Variants in FTO observed in about 807,000 individuals in gnomAD.
FTO encodes the protein alpha-ketoglutarate-dependent dioxygenase FTO.
In FTO, 47 loss-of-function variants were observed where a neutral mutation model predicts 63.9. That is an observed-to-expected ratio of 0.74 (90% CI 0.58 to 0.94). The LOEUF is 0.94. FTO is among the 40% of genes least tolerant of loss of function. The pLI is 0.00. For synonymous variants in FTO, 207 were observed against 224.4 expected, an observed-to-expected ratio of 0.92 and a Z score of 0.69; for missense variants, 562 against 618.1, an observed-to-expected ratio of 0.91 and a Z score of 0.96.
At chr16:53,790,281 G>A (rs2077874368) in intron 1 of FTO, among the ~76,000 whole-genome samples, 1 of 151,722 alleles carries the variant, frequency 6.6e-6, no homozygotes, top group Non-Finnish European at 1.5e-5. Context: ...ATAACTCCTT[G>A]TTTCTAGCTT....
chr16:53,780,528 G>A (rs767963060), intron 1 of FTO, among the ~76,000 whole-genome samples: 2 of 151,966 alleles, frequency 1.3e-5, no homozygotes, highest in Non-Finnish European at 2.9e-5. Context: ...ACCACCTCCT[G>A]GGTTCAAGCG....
rs138324193 is a variant in FTO at position 54,054,885 on chromosome 16, C to T, written c.1365-56877C>T. ...AAGGCGGAACTTAGTTCCTCTCTTG[C>T]GAAGTAAAATAAGAGTAAATGGCAG... On this transcript the variant is annotated intron_variant, in intron 8 of 8. Transcript: ENST00000471389. 3.9e-3 allele frequency among the ~76,000 whole-genome samples: 598 copies of T among 152,206 alleles called. 3 individuals are homozygous for T. Among genetic ancestry groups the T allele is most frequent in the African/African-American group, 0.014 (563 of 41,522 alleles).
chr16:54,020,185 T>C (rs2084555145), intron 8 of FTO, among the ~76,000 whole-genome samples: 1 of 152,210 alleles, frequency 6.6e-6, no homozygotes, highest in African/African-American at 2.4e-5. Context: ...AGAAATTTAA[T>C]ACTATTTTGT....
At chr16:54,035,478 T>G (rs2084923943) in intron 8 of FTO, among the ~76,000 whole-genome samples, 1 of 152,142 alleles carries the variant, frequency 6.6e-6, no homozygotes, top group Non-Finnish European at 1.5e-5. Flanking sequence ...GGAGAAAAGG[T>G]CTTTAAGGTA....
At chr16:53,706,144 T>C (rs2151452110) in intron 1 of FTO, among the ~76,000 whole-genome samples, 1 of 152,328 alleles carries the variant, frequency 6.6e-6, no homozygotes, top group South Asian at 2.1e-4. Context: ...TCCTTTTTTC[T>C]TTAAAAAATT....
chr16:53,869,922 T>C (rs1241889994), intron 4 of FTO, among the ~76,000 whole-genome samples: 1 of 152,190 alleles, frequency 6.6e-6, no homozygotes, highest in Non-Finnish European at 1.5e-5. Flanking sequence ...GCCTTGTACT[T>C]TTTTCTTGAT....
At chr16:53,859,796 G>A (rs2080119015) in intron 4 of FTO, among the ~76,000 whole-genome samples, 1 of 152,172 alleles carries the variant, frequency 6.6e-6, no homozygotes, top group Non-Finnish European at 1.5e-5. Context: ...ACAAGTGTTG[G>A]TGAGGATGTG....
chr16:53,940,542 A>G (rs1383313136), intron 8 of FTO, among the ~76,000 whole-genome samples: 1 of 152,124 alleles, frequency 6.6e-6, no homozygotes, highest in Non-Finnish European at 1.5e-5. Context: ...TTCATTCAAC[A>G]TTGCACACTG....
At position 54,114,232 on chromosome 16, in the gene FTO, A is replaced by T. The variant is rs911021795; in HGVS notation, c.*2317A>T. 3 of 151,676 alleles carry T rather than the reference A, an allele frequency of 2.0e-5. No individual in the cohort carries two copies. Among genetic ancestry groups the T allele is most frequent in the Non-Finnish European group, 4.4e-5 (3 of 67,934 alleles). The allele number at this position is 151,676 out of a possible 1,614,324, so 9.4% of individuals were successfully genotyped here. A position where few individuals can be genotyped will look rare whatever the true frequency, so the allele number is the denominator to read the frequency against. On this transcript the variant is annotated 3_prime_UTR_variant, in exon 9 of 9. Transcript: ENST00000471389. ...CATGACCCAGCCTATGGTTTGCCAT[A>T]CTCCCTCTTTTTCTCCGTTTTTTCA...
chr16:53,798,138 A>T (rs2078125227), intron 1 of FTO, among the ~76,000 whole-genome samples: 1 of 151,822 alleles, frequency 6.6e-6, no homozygotes, highest in African/African-American at 2.4e-5. Flanking sequence ...TCTATTGTGG[A>T]CCTCTATTTT....
intron 1 of FTO, among the ~76,000 whole-genome samples, chr16:53,740,872 G>C (rs2076513854): frequency 6.6e-6 from 1 of 152,184 alleles, no homozygotes; most frequent in African/African-American, 2.4e-5. Context: ...AAAGAAGAAA[G>C]TAAAAGTCAA....
chr16:53,996,836 C>T (rs186123032), intron 8 of FTO, among the ~76,000 whole-genome samples: 65 of 152,110 alleles, frequency 4.3e-4, no homozygotes, highest in Non-Finnish European at 8.1e-4. Context: ...AGGCCGGGCA[C>T]GGGGGCTCAC....
chr16:53,786,773 G>A (rs1417127792), intron 1 of FTO, among the ~76,000 whole-genome samples: 1 of 152,150 alleles, frequency 6.6e-6, no homozygotes, highest in Non-Finnish European at 1.5e-5. Flanking sequence ...TTGGACATAA[G>A]ATGGTAGAGA....
intron 2 of FTO, among the ~76,000 whole-genome samples, chr16:53,823,989 T>G (rs1485811245): frequency 6.6e-6 from 1 of 152,270 alleles, no homozygotes; most frequent in Non-Finnish European, 1.5e-5. Context: ...GTATTTCATC[T>G]GTCCACTTAT....
chr16:53,874,288 T>C (rs1452042967), intron 5 of FTO, among the ~76,000 whole-genome samples: 1 of 152,216 alleles, frequency 6.6e-6, no homozygotes, highest in Admixed American at 6.5e-5. Context: ...GTCAGACTTC[T>C]GGGCATGTGA....
intron 8 of FTO, among the ~76,000 whole-genome samples, chr16:54,065,159 T>TTTAC (rs1567549549): frequency 0.024 from 1,648 of 69,404 alleles, 26 homozygotes; most frequent in African/African-American, 0.058. Context: ...ATTTTATTTA[T>TTTAC]TAATGTACTG....
Position 54,009,511 on chromosome 16 carries a change from G to C in FTO, c.1364+75402G>C, listed in dbSNP as rs117603018. Among the ~76,000 whole-genome samples, 145 of 152,248 alleles carry C rather than the reference G, an allele frequency of 9.5e-4. 1 individual carries two copies. Among genetic ancestry groups the C allele is most frequent in the Non-Finnish European group, 1.8e-3 (125 of 68,028 alleles). On this transcript the variant is annotated intron_variant, in intron 8 of 8. Transcript: ENST00000471389. Reference sequence around the variant, plus strand: ...TGCCTATAAACGGATCAAGAAAAGGGAGTGAGAATTTACTGGAAAGAAGGA... The same window carrying C: ...TGCCTATAAACGGATCAAGAAAAGGCAGTGAGAATTTACTGGAAAGAAGGA...
At chr16:53,930,221 C>CTTTTTTTTTTTTTTTTTT (rs1014205147) in intron 7 of FTO, among the ~76,000 whole-genome samples, 2 of 75,692 alleles carry the variant, frequency 2.6e-5, no homozygotes, top group African/African-American at 5.9e-5. Context: ...TGATTATCTT[C>CTTTTTTTTTTTTTTTTTT]TTTTTTTTTT....
At chr16:53,843,952 T>C (rs1440421947) in intron 3 of FTO, among the ~76,000 whole-genome samples, 4 of 152,108 alleles carry the variant, frequency 2.6e-5, no homozygotes, top group African/African-American at 9.7e-5. Context: ...ACCTGGCCTA[T>C]TTAAGGTTTC....
Sources: allele counts gnomAD v4.1 joint callset (sites outside exome capture counted in the v4.1 genomes callset), GRCh38; gene constraint gnomAD v4.1.1; transcripts MANE v1.5; gene names NCBI Gene and HGNC (gene_info 2026-07-23, HGNC 2026-07-21).